TAFA3: variants seen among roughly 807,000 people sequenced by gnomAD.
TAFA3 encodes chemokine-like protein TAFA-3.
A neutral mutation model predicts 20.7 loss-of-function variants in TAFA3; 17 were observed. The observed-to-expected ratio is 0.82, with a 90% CI of 0.56 to 1.23. The LOEUF (loss-of-function observed/expected upper bound fraction) is 1.23, where lower values mean the gene tolerates loss of function less well. Ranked by LOEUF, TAFA3 falls within the 50% of genes most tolerant of loss-of-function variation. The pLI, the probability that TAFA3 is intolerant of heterozygous loss-of-function variation, is 0.00. For missense variants in TAFA3, 174 were observed against 172.8 expected (o/e 1.01, Z -0.04); for synonymous variants, 74 against 71.8 (o/e 1.03, Z -0.16).
In TAFA3 at chr1:112,722,265, CG is replaced by C. The variant is rs754482300; in HGVS notation, c.35del (p.Gly12AlafsTer16). ...GAGAGGGTCGAGCGGAACTGGAGCACGGGCGGCTGGCTGCTGGCACTGTGCC... is the reference window on the plus strand; with the variant it reads ...GAGAGGGTCGAGCGGAACTGGAGCACGGCGGCTGGCTGCTGGCACTGTGCC... MSERVERNWS[T>X]GGWLLALCLA... is the part of the protein sequence containing the mutation. On this transcript the variant is annotated frameshift_variant, in exon 3 of 6. Transcript: ENST00000361886. LOFTEE classifies it high-confidence loss of function. 6.2e-7 allele frequency: 1 copy of C among 1,614,122 alleles called. No individual in the cohort carries two copies.
At chr1:112,722,716 G>A (rs1675358941) in intron 3 of TAFA3, among the ~76,000 whole-genome samples, 1 of 152,170 alleles carries the variant, frequency 6.6e-6, no homozygotes, top group Admixed American at 6.5e-5. Flanking sequence ...GTAAGCCCTG[G>A]GGCCCTTGCC....
Position 112,719,134 on chromosome 1 carries a change from C to T in TAFA3, c.-225C>T, listed in dbSNP as rs993596812. Among the ~76,000 whole-genome samples the T allele has an allele frequency of 6.6e-6, 1 of 152,256 alleles. No individual in the cohort carries two copies. The highest frequency in any genetic ancestry group is 1.5e-5 in the Non-Finnish European group (1 of 68,040). ...GCCAACCTGACCAGAACCCCGCTGTCCCGGGGGCGCAGCAACTTGGTGAAG... is the reference window on the plus strand; with the variant it reads ...GCCAACCTGACCAGAACCCCGCTGTTCCGGGGGCGCAGCAACTTGGTGAAG... On this transcript the variant is annotated 5_prime_UTR_variant, in exon 1 of 6. Coordinates refer to ENST00000361886, the MANE Select transcript of TAFA3 (RefSeq NM_182759.3).
chr1:112,722,973 G>T lies in TAFA3; in HGVS notation c.116-43G>T, dbSNP rs558757817. The T allele has an allele frequency of 8.3e-6, 13 of 1,572,378 alleles. No homozygotes were observed. In the African/African-American group the frequency reaches 1.2e-4, roughly 15 times the overall value. ...AGCCCGGGTGGGCGGGAGGGAGCGG[G>T]GTCGGGCGTGTTGGGCGTCTGATCC... On this transcript the variant is annotated intron_variant, in intron 3 of 5. Transcript: ENST00000361886.
At position 112,726,761 on chromosome 1, in the gene TAFA3, T is replaced by C; in HGVS notation, c.*121T>C. The C allele has an allele frequency of 6.7e-7, 1 of 1,500,582 alleles. No individual in the cohort carries two copies. Among genetic ancestry groups the C allele is most frequent in the Non-Finnish European group, 9.3e-7 (1 of 1,079,626 alleles). The allele number at this position is 1,500,582 out of a possible 1,614,324, so 93.0% of individuals were successfully genotyped here. Reference sequence around the variant, plus strand: ...TACATGCCTCATGTCAAATGCAGCATCAGTCTTTCCGGGGCATTTCAGTTA... The same window carrying C: ...TACATGCCTCATGTCAAATGCAGCACCAGTCTTTCCGGGGCATTTCAGTTA... On this transcript the variant is annotated 3_prime_UTR_variant, in exon 6 of 6. Coordinates refer to ENST00000361886, the MANE Select transcript of TAFA3 (RefSeq NM_182759.3).
intron 4 of TAFA3, among the ~76,000 whole-genome samples, chr1:112,723,624 G>A (rs184438840): frequency 7.2e-4 from 110 of 151,810 alleles, no homozygotes; most frequent in Middle Eastern, 3.4e-3. Context: ...ACTGTGTCAC[G>A]CGCATACCAG....
At chr1:112,722,400 G>A in intron 3 of TAFA3, 52 bp downstream of exon 3, 2 of 1,473,138 alleles carry the variant, frequency 1.4e-6, no homozygotes, top group Non-Finnish European at 1.9e-6. Context: ...GACACCTGGG[G>A]AGCTGGACAC....
At chr1:112,725,405 A>ACAAC (rs1553192310) in intron 5 of TAFA3, among the ~76,000 whole-genome samples, 1 of 141,408 alleles carries the variant, frequency 7.1e-6, no homozygotes, top group African/African-American at 2.9e-5. Context: ...TAAAAAAAAA[A>ACAAC]AAAAAAAAAA....
chr1:112,722,371 C>T (rs545159766), intron 3 of TAFA3, 23 bp downstream of exon 3: 9 of 1,601,270 alleles, frequency 5.6e-6, no homozygotes, highest in Admixed American at 1.7e-5. Context: ...TGGCAGGGCC[C>T]GGGGAGGGAG....
In TAFA3 at chr1:112,724,010, C is replaced by T. The variant is rs1675396050; in HGVS notation, c.266-3C>T. On this transcript the variant is annotated splice_polypyrimidine_tract_variant and splice_region_variant and intron_variant, in intron 4 of 5. Coordinates refer to ENST00000361886, the MANE Select transcript of TAFA3 (RefSeq NM_182759.3). ...AGCTGCACTCCGCCTCCTGCTCCCA[C>T]AGCCTCCATCGTCCTGCAGAGATGG... is the stretch of plus-strand genomic sequence containing the variant. 6.2e-7 allele frequency: 1 copy of T among 1,613,870 alleles called. No homozygotes were observed. The highest frequency in any genetic ancestry group is 1.3e-5 in the African/African-American group (1 of 74,914).
intron 5 of TAFA3, among the ~76,000 whole-genome samples, chr1:112,724,839 A>AAAG (rs1675428376): frequency 7.3e-6 from 1 of 137,598 alleles, no homozygotes; most frequent in Non-Finnish European, 1.6e-5. Flanking sequence ...AAAAAAAAAA[A>AAAG]AGAGCTTAAA....
chr1:112,722,980 C>T (rs373224794), intron 3 of TAFA3, 36 bp from the exon 4 acceptor site: 296 of 1,581,218 alleles, frequency 1.9e-4, no homozygotes, highest in Middle Eastern at 4.5e-4. Context: ...CGGGGTCGGG[C>T]GTGTTGGGCG....
chr1:112,722,373 G>A, intron 3 of TAFA3, 25 bp downstream of exon 3: 1 of 1,600,792 alleles, frequency 6.2e-7, no homozygotes, highest in Non-Finnish European at 8.5e-7. Flanking sequence ...GCAGGGCCCG[G>A]GGAGGGAGTT....
intron 4 of TAFA3, among the ~76,000 whole-genome samples, chr1:112,723,607 C>T (rs1438679235): frequency 2.6e-5 from 4 of 152,306 alleles, no homozygotes; most frequent in South Asian, 4.1e-4. Flanking sequence ...ACCCCATACA[C>T]ATGCCCACTG....
rs41283082 is a variant in TAFA3, at chr1:112,723,972, G to A, written c.266-41G>A. Reference sequence around the variant, plus strand: ...CTGCTCTTGGCTGCCCACTGTGCTCGTAGAGACCCTAGAGCTGCACTCCGC... The same window carrying A: ...CTGCTCTTGGCTGCCCACTGTGCTCATAGAGACCCTAGAGCTGCACTCCGC... On this transcript the variant is annotated intron_variant, in intron 4 of 5. Coordinates refer to ENST00000361886, the MANE Select transcript of TAFA3 (RefSeq NM_182759.3). 4,484 of 1,613,744 alleles carry A rather than the reference G, an allele frequency of 2.8e-3. 17 individuals are homozygous for A. The highest frequency in any genetic ancestry group is 3.6e-3 in the Non-Finnish European group (4,222 of 1,179,854).
chr1:112,723,977 G>A, intron 4 of TAFA3, 36 bp from the exon 5 acceptor site: 2 of 1,613,840 alleles, frequency 1.2e-6, no homozygotes, highest in Non-Finnish European at 1.7e-6. Context: ...TGCTCGTAGA[G>A]ACCCTAGAGC....
At chr1:112,724,480 T>C (rs940719625) in intron 5 of TAFA3, among the ~76,000 whole-genome samples, 6 of 151,602 alleles carry the variant, frequency 4.0e-5, no homozygotes, top group South Asian at 2.1e-4. Flanking sequence ...TCATGTCCTT[T>C]GTAGGGACAT....
chr1:112,720,435 C>T (rs1394936962), intron 1 of TAFA3, 142 bp from the exon 2 acceptor site: 2 of 152,390 alleles, frequency 1.3e-5, no homozygotes, highest in East Asian at 3.9e-4. Context: ...GCCCTGGCAC[C>T]TGAGAACAGC....
Position 112,723,084 on chromosome 1 carries a change from G to T in TAFA3, c.184G>T (p.Glu62Ter). 1 of 1,613,238 alleles carries T rather than the reference G, an allele frequency of 6.2e-7. No homozygotes were observed. The highest frequency in any genetic ancestry group is 8.5e-7 in the Non-Finnish European group (1 of 1,179,724). The change falls in exon 4 of 6, where the codon GAG becomes TAG. Residue 62 changes from glutamate (E) to a stop codon, truncating the protein, a stop_gained. Transcript: ENST00000361886. LOFTEE classifies it high-confidence loss of function. ...CTGCTGCAACCGGAACCGCATCGAG[G>T]AGCGCTCCCAGACGGTGAAATGCTC... ...HRCCNRNRIEERSQTVKCSCF... is the reference protein window; with the variant it reads ...HRCCNRNRIE
rs1675363872 is a variant in TAFA3 at position 112,722,947 on chromosome 1, C to G, written c.116-69C>G. 4.6e-6 allele frequency: 7 copies of G among 1,531,696 alleles called. No homozygotes were observed. In the South Asian group the frequency reaches 9.0e-5, roughly 20 times the overall value. 94.9% of individuals were successfully genotyped at this position (1,531,696 alleles called of 1,614,324 possible). A position where few individuals can be genotyped will look rare whatever the true frequency, so the allele number is the denominator to read the frequency against. On this transcript the variant is annotated intron_variant, in intron 3 of 5. Transcript: ENST00000361886. Reference sequence around the variant, plus strand: ...GCAGCAGGGAGGAGGGGCTGGAGGCCAGCCCGGGTGGGCGGGAGGGAGCGG... The same window carrying G: ...GCAGCAGGGAGGAGGGGCTGGAGGCGAGCCCGGGTGGGCGGGAGGGAGCGG...
Sources: allele counts gnomAD v4.1 joint callset (sites outside exome capture counted in the v4.1 genomes callset), GRCh38; gene constraint gnomAD v4.1.1; transcripts MANE v1.5; gene names NCBI Gene and HGNC (gene_info 2026-07-23, HGNC 2026-07-21).